Variants in STT3B observed in about 807,000 individuals in gnomAD.
The protein encoded by STT3B is dolichyl-diphosphooligosaccharide--protein glycosyltransferase subunit STT3B.
In STT3B, 29 loss-of-function variants were observed where a neutral mutation model predicts 96.8. That is an observed-to-expected ratio of 0.30 (90% CI 0.22 to 0.41). The LOEUF (loss-of-function observed/expected upper bound fraction) is 0.41, where lower values mean the gene tolerates loss of function less well. Among genes scored for constraint, STT3B ranks in the 10% least tolerant of loss-of-function variants. The pLI is 1.00. For synonymous variants in STT3B, 367 were observed against 360.0 expected (o/e 1.02, Z -0.22); for missense variants, 640 against 1,022.3 (o/e 0.63, Z 5.10).
At chr3:31,625,374 A>G (rs1172316642) in intron 12 of STT3B, among the ~76,000 whole-genome samples, 2 of 152,174 alleles carry the variant, frequency 1.3e-5, no homozygotes, top group African/African-American at 2.4e-5. Flanking sequence ...TTTGGCTTGT[A>G]TTTTTCGTGT....
Position 31,554,529 on chromosome 3 carries a change from T to A in STT3B, c.314+21217T>A, listed in dbSNP as rs146293575. The stretch of plus-strand genomic sequence containing the variant: ...AAGATAAGTGTGTAGATAGTCTGAA[T>A]TTCCCAAAACCGCGTCAGCAGCTCC... On this transcript the variant is annotated intron_variant, in intron 1 of 15. Coordinates refer to ENST00000295770, the MANE Select transcript of STT3B (RefSeq NM_178862.3). Among the ~76,000 whole-genome samples, 62 of 152,300 alleles carry A rather than the reference T, an allele frequency of 4.1e-4. 1 individual carries two copies. The East Asian group carries it at 0.01, about 25-fold the overall frequency.
chr3:31,534,288 C>T (rs1264171926), intron 1 of STT3B, among the ~76,000 whole-genome samples: 1 of 152,146 alleles, frequency 6.6e-6, no homozygotes, highest in Non-Finnish European at 1.5e-5. Context: ...AGGAAATTAC[C>T]CCACTCTTAA....
chr3:31,596,088 ATTAG>A (rs1698786447), intron 3 of STT3B, among the ~76,000 whole-genome samples: 1 of 152,204 alleles, frequency 6.6e-6, no homozygotes, highest in Non-Finnish European at 1.5e-5. Context: ...TTTTCTGTGT[ATTAG>A]TAAATACTGA....
At chr3:31,538,963 A>G (rs12633457) in intron 1 of STT3B, among the ~76,000 whole-genome samples, 6,652 of 152,160 alleles carry the variant, frequency 0.044, 379 homozygotes, top group East Asian at 0.32. Context: ...AAAGTCGAAT[A>G]TATTAGGAGG....
chr3:31,586,083 C>T (rs1441844241), intron 3 of STT3B, among the ~76,000 whole-genome samples: 1 of 152,068 alleles, frequency 6.6e-6, no homozygotes, highest in Non-Finnish European at 1.5e-5. Flanking sequence ...AAATACATGA[C>T]AGTAATATTT....
chr3:31,599,370 T>G (rs1195800185), intron 4 of STT3B, among the ~76,000 whole-genome samples: 1 of 152,210 alleles, frequency 6.6e-6, no homozygotes, highest in East Asian at 1.9e-4. Context: ...CTCTTTCAAA[T>G]TTAGACTTAA....
intron 3 of STT3B, among the ~76,000 whole-genome samples, chr3:31,591,007 T>TA (rs1354481437): frequency 2.0e-5 from 3 of 152,122 alleles, no homozygotes; most frequent in African/African-American, 7.2e-5. Context: ...AGTTGGTTGA[T>TA]ATTGTCCAAA....
intron 5 of STT3B, among the ~76,000 whole-genome samples, chr3:31,608,845 A>G (rs1699116336): frequency 6.6e-6 from 1 of 152,200 alleles, no homozygotes; most frequent in Admixed American, 6.5e-5. Flanking sequence ...GGCCAGGTGC[A>G]GTGGCTCACG....
At chr3:31,627,540 T>C (rs1336330253) in intron 13 of STT3B, among the ~76,000 whole-genome samples, 1 of 152,208 alleles carries the variant, frequency 6.6e-6, no homozygotes, top group East Asian at 1.9e-4. Flanking sequence ...TTTTACATGA[T>C]GAAGGCACAA....
chr3:31,624,105 CTATT>C (rs967545370), intron 11 of STT3B, among the ~76,000 whole-genome samples: 2 of 152,128 alleles, frequency 1.3e-5, no homozygotes, highest in African/African-American at 4.8e-5. Context: ...ATCCCCTCAA[CTATT>C]TATCCTTTCA....
At chr3:31,597,697 A>C (rs1234835311) in intron 4 of STT3B, among the ~76,000 whole-genome samples, 1 of 151,990 alleles carries the variant, frequency 6.6e-6, no homozygotes, top group East Asian at 1.9e-4. Context: ...GGCCTCAAGC[A>C]ATCCTCCTAC....
chr3:31,544,301 A>C (rs370522481), intron 1 of STT3B, among the ~76,000 whole-genome samples: 1 of 152,234 alleles, frequency 6.6e-6, no homozygotes, highest in South Asian at 2.1e-4. Context: ...AAAAATACTC[A>C]TTAGGGATAA....
chr3:31,541,107 T>C (rs2125434835), intron 1 of STT3B, among the ~76,000 whole-genome samples: 1 of 152,336 alleles, frequency 6.6e-6, no homozygotes, highest in East Asian at 1.9e-4. Context: ...AATGTTTCTA[T>C]AAACAAGAGC....
intron 3 of STT3B, among the ~76,000 whole-genome samples, chr3:31,596,049 T>C (rs1173910337): frequency 6.6e-6 from 1 of 152,216 alleles, no homozygotes; most frequent in Non-Finnish European, 1.5e-5. Flanking sequence ...GACTGAGTTA[T>C]AGTTTGTGTC....
chr3:31,623,629 A>G, intron 10 of STT3B, 45 bp from the exon 11 acceptor site: 1 of 1,449,928 alleles, frequency 6.9e-7, no homozygotes. Flanking sequence ...TAATGAAGCA[A>G]GTCAAATAAT....
In STT3B at chr3:31,577,776, T is replaced by A. The variant is rs1018928689; in HGVS notation, c.423+1272T>A. On this transcript the variant is annotated intron_variant, in intron 2 of 15. Transcript: ENST00000295770. Reference sequence around the variant, plus strand: ...TCTGCATTGTGAATTGGAGAAGTATTAAATGGGTAGTACATACGGCAGATA... The same window carrying A: ...TCTGCATTGTGAATTGGAGAAGTATAAAATGGGTAGTACATACGGCAGATA... Among the ~76,000 whole-genome samples, 4 of 152,260 alleles carry A rather than the reference T, an allele frequency of 2.6e-5. 1 individual carries two copies. Among genetic ancestry groups the A allele is most frequent in the East Asian group, 1.9e-4 (1 of 5,186 alleles).
At chr3:31,635,886 T>G in intron 15 of STT3B, 98 bp from the exon 16 acceptor site, 1 of 788,854 alleles carries the variant, frequency 1.3e-6, no homozygotes. Flanking sequence ...GCAGAGAGCT[T>G]ACTAAGTCAT....
rs1575424250 is a variant in STT3B, at chr3:31,580,048, T to C, written c.663T>C (p.Asp221=). 6.2e-7 allele frequency: 1 copy of C among 1,613,778 alleles called. No individual in the cohort carries two copies. Among genetic ancestry groups the C allele is most frequent in the Non-Finnish European group, 8.5e-7 (1 of 1,179,720 alleles). Reference sequence around the variant, plus strand: ...CTCGGTCAGTAGCTGGATCCTTTGATAATGAAGGCATTGCTATTTTTGCAC... The same window carrying C: ...CTCGGTCAGTAGCTGGATCCTTTGACAATGAAGGCATTGCTATTTTTGCAC... ...YISRSVAGSF[D]NEGIAIFALQ... is the part of the protein sequence containing the mutation. The change falls in exon 3 of 16, where the codon GAT becomes GAC. Residue 221 remains aspartate (D), a synonymous_variant. Coordinates refer to ENST00000295770, the MANE Select transcript of STT3B (RefSeq NM_178862.3).
chr3:31,635,859 A>G (rs1699745635), intron 15 of STT3B, 125 bp from the exon 16 acceptor site: 2 of 621,080 alleles, frequency 3.2e-6, no homozygotes, highest in Admixed American at 3.4e-5. Flanking sequence ...TATTCAAGGA[A>G]TCCAGTCACA....
Sources: allele counts gnomAD v4.1 joint callset (sites outside exome capture counted in the v4.1 genomes callset), GRCh38; gene constraint gnomAD v4.1.1; transcripts MANE v1.5; gene names NCBI Gene and HGNC (gene_info 2026-07-23, HGNC 2026-07-21).